The following PDGFC variants were observed in gnomAD, a reference collection of about 807,000 sequenced individuals.
PDGFC encodes the protein platelet-derived growth factor C.
Under a neutral mutation model 35.5 loss-of-function variants are expected in PDGFC, and 12 were observed. The observed-to-expected ratio is 0.34, with a 90% confidence interval of 0.22 to 0.55. The LOEUF is 0.55. Among genes scored for constraint, PDGFC ranks in the 20% least tolerant of loss-of-function variants. The pLI is 0.91. For missense variants in PDGFC, 322 were observed against 412.4 expected, an observed-to-expected ratio of 0.78 and a Z score of 1.90; for synonymous variants, 159 against 148.8, an observed-to-expected ratio of 1.07 and a Z score of -0.50.
intron 1 of PDGFC, among the ~76,000 whole-genome samples, chr4:156,963,640 A>T (rs1732394774): frequency 6.6e-6 from 1 of 152,178 alleles, no homozygotes; most frequent in Admixed American, 6.5e-5. Flanking sequence ...CCGTCCAGGG[A>T]GGAGCCTACT....
chr4:156,941,087 A>G (rs972098796), intron 1 of PDGFC, among the ~76,000 whole-genome samples: 3 of 152,124 alleles, frequency 2.0e-5, no homozygotes, highest in African/African-American at 7.2e-5. Flanking sequence ...GACTCTTAAG[A>G]CCCAAAAGAC....
intron 1 of PDGFC, among the ~76,000 whole-genome samples, chr4:156,930,768 T>A (rs973100096): frequency 1.3e-5 from 2 of 152,072 alleles, no homozygotes; most frequent in Non-Finnish European, 2.9e-5. Flanking sequence ...CTCGGGAGGC[T>A]GAGGCAGGAG....
chr4:156,969,383 C>G (rs1013326529), intron 1 of PDGFC, among the ~76,000 whole-genome samples: 5 of 152,216 alleles, frequency 3.3e-5, no homozygotes, highest in African/African-American at 2.4e-5. Context: ...GCTCAAGGAG[C>G]CTGCAGGTGC....
At chr4:156,866,517 G>A (rs1010774716) in intron 1 of PDGFC, among the ~76,000 whole-genome samples, 1 of 151,984 alleles carries the variant, frequency 6.6e-6, no homozygotes, top group African/African-American at 2.4e-5. Context: ...CATGTGCAGT[G>A]GGTGGGGGGA....
At chr4:156,963,255 C>T (rs954153920) in intron 1 of PDGFC, among the ~76,000 whole-genome samples, 3 of 151,940 alleles carry the variant, frequency 2.0e-5, no homozygotes, top group Admixed American at 6.6e-5. Context: ...ATCACTTGAG[C>T]CTAGGAGTTC....
chr4:156,920,229 C>A (rs576023260), intron 1 of PDGFC, among the ~76,000 whole-genome samples: 1 of 152,332 alleles, frequency 6.6e-6, no homozygotes, highest in East Asian at 1.9e-4. Flanking sequence ...TTTATAGCAA[C>A]ACAAAACATA....
At chr4:156,895,173 T>C (rs1730601944) in intron 1 of PDGFC, among the ~76,000 whole-genome samples, 1 of 152,188 alleles carries the variant, frequency 6.6e-6, no homozygotes, top group Non-Finnish European at 1.5e-5. Flanking sequence ...ATGGGAGCTA[T>C]ACTATTAATA....
intron 2 of PDGFC, among the ~76,000 whole-genome samples, chr4:156,846,427 T>A (rs979262474): frequency 1.3e-5 from 2 of 151,694 alleles, no homozygotes; most frequent in Non-Finnish European, 3.0e-5. Context: ...AATATTCAGA[T>A]AAATTAATAT....
chr4:156,920,542 C>T (rs565924825), intron 1 of PDGFC, among the ~76,000 whole-genome samples: 16 of 151,972 alleles, frequency 1.1e-4, no homozygotes, highest in Admixed American at 1.0e-3. Flanking sequence ...TTTTAAATAA[C>T]TGAAATAGCA....
At chr4:156,813,364 T>C (rs1003476120) in intron 2 of PDGFC, among the ~76,000 whole-genome samples, 3 of 152,076 alleles carry the variant, frequency 2.0e-5, no homozygotes, top group Non-Finnish European at 4.4e-5. Flanking sequence ...CTAAAGCTTT[T>C]TTTGGGTTCT....
intron 2 of PDGFC, among the ~76,000 whole-genome samples, chr4:156,846,437 T>C (rs1333372524): frequency 6.6e-6 from 1 of 151,728 alleles, no homozygotes; most frequent in Non-Finnish European, 1.5e-5. Flanking sequence ...TAAATTAATA[T>C]TGAGAGACAG....
chr4:156,946,229 T>C (rs568419617), intron 1 of PDGFC, among the ~76,000 whole-genome samples: 2 of 152,146 alleles, frequency 1.3e-5, no homozygotes, highest in Non-Finnish European at 2.9e-5. Flanking sequence ...AATTTTAAGG[T>C]AAATGCTGAA....
intron 1 of PDGFC, among the ~76,000 whole-genome samples, chr4:156,908,580 A>C (rs1233819551): frequency 6.6e-6 from 1 of 152,182 alleles, no homozygotes; most frequent in Non-Finnish European, 1.5e-5. Flanking sequence ...CCTATGTGGC[A>C]AAATGTTAGT....
chr4:156,806,106 T>A (rs1482595101), intron 3 of PDGFC, among the ~76,000 whole-genome samples: 1 of 152,132 alleles, frequency 6.6e-6, no homozygotes, highest in Non-Finnish European at 1.5e-5. Context: ...AAGATTCACT[T>A]GTATATTCAA....
At position 156,971,742 on chromosome 4, in the gene PDGFC, C is replaced by T. The variant is rs867638406; in HGVS notation, c.-839G>A. On this transcript the variant is annotated 5_prime_UTR_variant, in exon 1 of 6. Transcript: ENST00000502773. ...CTCCGGTTGTTCCCCGTCCCCTCCC[C>T]CCACGCCTCGGGCTCCGCGCTAACC... Among the ~76,000 whole-genome samples the T allele has an allele frequency of 1.3e-5, 2 of 151,936 alleles. No individual in the cohort carries two copies. Among genetic ancestry groups the T allele is most frequent in the African/African-American group, 4.8e-5 (2 of 41,422 alleles).
intron 3 of PDGFC, among the ~76,000 whole-genome samples, chr4:156,806,732 A>G (rs1731779765): frequency 6.6e-6 from 1 of 152,110 alleles, no homozygotes; most frequent in Admixed American, 6.6e-5. Flanking sequence ...AACTTTTAAT[A>G]AAGTCTTTTG....
intron 1 of PDGFC, among the ~76,000 whole-genome samples, chr4:156,892,362 C>T (rs1211527775): frequency 2.6e-5 from 4 of 152,140 alleles, no homozygotes; most frequent in Admixed American, 1.3e-4. Flanking sequence ...AAACTCAATA[C>T]ATCAAAAGCA....
chr4:156,792,742 C>A (rs1210658745), intron 3 of PDGFC, among the ~76,000 whole-genome samples: 4 of 152,176 alleles, frequency 2.6e-5, no homozygotes, highest in Admixed American at 2.6e-4. Flanking sequence ...CTTTAATCTG[C>A]ATTTCCAATT....
At chr4:156,887,798 G>A (rs1295191687) in intron 1 of PDGFC, among the ~76,000 whole-genome samples, 1 of 151,964 alleles carries the variant, frequency 6.6e-6, no homozygotes, top group Non-Finnish European at 1.5e-5. Context: ...CCGAACACTT[G>A]AGCTCAAGAG....
Sources: gnomAD v4.1 joint callset for allele counts (sites outside exome capture counted in the v4.1 genomes callset) on GRCh38, gnomAD v4.1.1 for gene constraint, MANE v1.5 for transcripts, NCBI Gene and HGNC (gene_info 2026-07-23, HGNC 2026-07-21) for gene names.